The following KIAA0825 variants were observed in gnomAD, a reference collection of about 807,000 sequenced individuals.
KIAA0825 encodes KIAA0825.
A neutral mutation model predicts 147.6 loss-of-function variants in KIAA0825; 119 were observed. That is an observed-to-expected ratio of 0.81 (90% CI 0.69 to 0.94). The LOEUF (loss-of-function observed/expected upper bound fraction) is 0.94. KIAA0825 is among the 40% of genes least tolerant of loss of function. The pLI is 0.00. For synonymous variants in KIAA0825, 470 were observed against 518.1 expected (o/e 0.91, Z 1.26); for missense variants, 1,381 against 1,472.7 (o/e 0.94, Z 1.02).
intron 20 of KIAA0825, among the ~76,000 whole-genome samples, chr5:94,243,363 C>G (rs1327049740): frequency 6.6e-6 from 1 of 152,190 alleles, no homozygotes; most frequent in East Asian, 1.9e-4. Flanking sequence ...CTGGGCTGAA[C>G]AGTCTGGAGC....
chr5:94,573,527 C>T (rs1780379114), intron 2 of KIAA0825, among the ~76,000 whole-genome samples: 1 of 152,196 alleles, frequency 6.6e-6, no homozygotes, highest in African/African-American at 2.4e-5. Flanking sequence ...CTGCGGAGGC[C>T]TCACAAAGTG....
chr5:94,565,210 G>A (rs1778473841), intron 2 of KIAA0825, among the ~76,000 whole-genome samples: 1 of 147,692 alleles, frequency 6.8e-6, no homozygotes, highest in African/African-American at 2.5e-5. Flanking sequence ...TGGGATTATA[G>A]GTGTGAGCCA....
At chr5:94,297,683 C>T (rs897088953) in intron 20 of KIAA0825, among the ~76,000 whole-genome samples, 1 of 151,916 alleles carries the variant, frequency 6.6e-6, no homozygotes, top group African/African-American at 2.4e-5. Context: ...TCAACCTCCA[C>T]CTCCTGGGCT....
intron 5 of KIAA0825, among the ~76,000 whole-genome samples, chr5:94,485,743 A>G (rs1762980316): frequency 6.6e-6 from 1 of 151,870 alleles, no homozygotes; most frequent in South Asian, 2.1e-4. Context: ...TAAGTCTGAA[A>G]TTAAAATAAA....
At chr5:94,203,593 G>A (rs1044212927) in intron 20 of KIAA0825, among the ~76,000 whole-genome samples, 1 of 151,976 alleles carries the variant, frequency 6.6e-6, no homozygotes. Flanking sequence ...GTGGGTGAGG[G>A]ACCAGATGTT....
At chr5:94,464,757 G>A in intron 11 of KIAA0825, 112 bp downstream of exon 11, 1 of 859,798 alleles carries the variant, frequency 1.2e-6, no homozygotes, top group South Asian at 2.5e-5. Flanking sequence ...CTTTTCAGAT[G>A]TTAGAAACAT....
chr5:94,348,314 C>T lies in KIAA0825; in HGVS notation c.3710+36054G>A, dbSNP rs888437741. Among the ~76,000 whole-genome samples, 14 of 152,148 alleles carry T rather than the reference C, an allele frequency of 9.2e-5. No homozygotes were observed. In the South Asian group the frequency reaches 2.9e-3, roughly 32 times the overall value. On this transcript the variant is annotated intron_variant, in intron 20 of 20. Transcript: ENST00000682413. ...AAAGAACACCCTGGAAATTCATCACCAATAGATCTTCACCTAGGTACACTG... is the reference window on the plus strand; with the variant it reads ...AAAGAACACCCTGGAAATTCATCACTAATAGATCTTCACCTAGGTACACTG...
chr5:94,344,096 T>C (rs1479062141), intron 20 of KIAA0825, among the ~76,000 whole-genome samples: 1 of 152,188 alleles, frequency 6.6e-6, no homozygotes, highest in Non-Finnish European at 1.5e-5. Flanking sequence ...CCAGAAATTC[T>C]ACTTCTAGGT....
intron 12 of KIAA0825, among the ~76,000 whole-genome samples, chr5:94,460,471 C>T (rs1039992883): frequency 2.6e-5 from 4 of 152,204 alleles, no homozygotes; most frequent in Middle Eastern, 3.4e-3. Flanking sequence ...TCCGTCAGAA[C>T]TACTTGAAAT....
intron 20 of KIAA0825, among the ~76,000 whole-genome samples, chr5:94,254,624 T>A (rs1387569191): frequency 6.6e-6 from 1 of 152,204 alleles, no homozygotes; most frequent in East Asian, 1.9e-4. Context: ...AAACATTTAA[T>A]GGGCTTTAAT....
At chr5:94,471,819 T>C in intron 8 of KIAA0825, 88 bp from the exon 9 acceptor site, 4 of 1,183,830 alleles carry the variant, frequency 3.4e-6, no homozygotes, top group South Asian at 1.5e-5. Context: ...TCCTAAATAA[T>C]GAATTTGGCA....
rs918427129 is a variant in KIAA0825 at position 94,403,811 on chromosome 5, A to G, written c.2663-18T>C. 8 of 1,545,764 alleles carry G rather than the reference A, an allele frequency of 5.2e-6. No individual in the cohort carries two copies. The African/African-American group carries it at 9.6e-5, about 19-fold the overall frequency. ...CGTTGAGACTTTAAAATCAGATGGC[A>G]TATTATGGTTAGCAGAACCTAGCAA... On this transcript the variant is annotated intron_variant, in intron 15 of 20. Transcript: ENST00000682413.
chr5:94,575,274 G>T (rs1247902779), intron 2 of KIAA0825, among the ~76,000 whole-genome samples: 1 of 151,678 alleles, frequency 6.6e-6, no homozygotes, highest in South Asian at 2.1e-4. Context: ...GGTGTGGGGC[G>T]AGACAACAGA....
intron 20 of KIAA0825, among the ~76,000 whole-genome samples, chr5:94,176,623 A>C (rs1375402369): frequency 6.6e-6 from 1 of 152,022 alleles, no homozygotes; most frequent in East Asian, 1.9e-4. Flanking sequence ...AAACAATTCA[A>C]AATTATCATT....
chr5:94,351,801 A>C (rs992480535), intron 20 of KIAA0825, among the ~76,000 whole-genome samples: 12 of 152,154 alleles, frequency 7.9e-5, no homozygotes, highest in African/African-American at 2.9e-4. Flanking sequence ...TTTTCGACAA[A>C]GCAAACAAAA....
chr5:94,493,787 C>CA (rs1170835306), intron 5 of KIAA0825, among the ~76,000 whole-genome samples: 1 of 152,078 alleles, frequency 6.6e-6, no homozygotes. Context: ...CGCGCCTGGC[C>CA]AATATCTGCA....
rs141189644 is a variant in KIAA0825, at chr5:94,178,092, A to T, written c.3711-23968T>A. Among the ~76,000 whole-genome samples the T allele has an allele frequency of 3.3e-3, 499 of 152,124 alleles. 4 individuals carry two copies. Among genetic ancestry groups the T allele is most frequent in the African/African-American group, 0.012 (490 of 41,526 alleles). Reference sequence around the variant, plus strand: ...TATGGTGTGTATGTTGCTGTTATTCATATAAGATTTTCCTATCATCTCCTC... The same window carrying T: ...TATGGTGTGTATGTTGCTGTTATTCTTATAAGATTTTCCTATCATCTCCTC... On this transcript the variant is annotated intron_variant, in intron 20 of 20. Coordinates refer to ENST00000682413, the MANE Select transcript of KIAA0825 (RefSeq NM_001145678.3).
intron 20 of KIAA0825, among the ~76,000 whole-genome samples, chr5:94,284,418 C>T (rs1033400000): frequency 2.0e-5 from 3 of 152,130 alleles, no homozygotes; most frequent in Admixed American, 1.3e-4. Flanking sequence ...GCAACTGCCA[C>T]CAAACAGCAG....
chr5:94,438,694 T>C (rs1429899302), intron 14 of KIAA0825, among the ~76,000 whole-genome samples: 1 of 151,978 alleles, frequency 6.6e-6, no homozygotes, highest in African/African-American at 2.4e-5. Context: ...GAACCAAACA[T>C]TGAGATGGAT....
Sources: allele counts gnomAD v4.1 joint callset (sites outside exome capture counted in the v4.1 genomes callset), GRCh38; gene constraint gnomAD v4.1.1; transcripts MANE v1.5; gene names NCBI Gene and HGNC (gene_info 2026-07-23, HGNC 2026-07-21).